Variants in CAMTA1 observed in about 807,000 individuals in gnomAD.
The protein encoded by CAMTA1 is calmodulin binding transcription activator 1.
In CAMTA1, 27 loss-of-function variants were observed where a neutral mutation model predicts 170.9. The observed-to-expected ratio is 0.16, with a 90% CI of 0.12 to 0.22. CAMTA1 has a LOEUF of 0.22. CAMTA1 is among the 10% of genes least tolerant of loss of function. CAMTA1 has a pLI of 1.00. For missense variants in CAMTA1, 1,619 were observed against 2,217.2 expected, an observed-to-expected ratio of 0.73 and a Z score of 5.42; for synonymous variants, 833 against 891.5, an observed-to-expected ratio of 0.93 and a Z score of 1.17.
chr1:7,402,563 G>A (rs1184594195), intron 5 of CAMTA1, among the ~76,000 whole-genome samples: 5 of 152,188 alleles, frequency 3.3e-5, no homozygotes, highest in African/African-American at 9.7e-5. Flanking sequence ...TGCTGCAGTC[G>A]TGATGGGGGC....
intron 4 of CAMTA1, among the ~76,000 whole-genome samples, chr1:7,158,511 TCAAA>T (rs1647025479): frequency 6.6e-6 from 1 of 152,198 alleles, no homozygotes; most frequent in Admixed American, 6.5e-5. Context: ...AAAATTTACT[TCAAA>T]CAAACAAACT....
At chr1:6,793,655 AT>A (rs1641752460) in intron 1 of CAMTA1, among the ~76,000 whole-genome samples, 1 of 152,186 alleles carries the variant, frequency 6.6e-6, no homozygotes, top group African/African-American at 2.4e-5. Flanking sequence ...AACAAGGTGT[AT>A]TTGTGTCTTA....
chr1:7,652,576 A>C (rs1405674816), intron 7 of CAMTA1, among the ~76,000 whole-genome samples: 1 of 152,170 alleles, frequency 6.6e-6, no homozygotes, highest in East Asian at 1.9e-4. Flanking sequence ...GGAGGGCAGG[A>C]GACGAAGCTG....
At chr1:7,506,109 C>T (rs1557835903) in intron 6 of CAMTA1, among the ~76,000 whole-genome samples, 1 of 152,180 alleles carries the variant, frequency 6.6e-6, no homozygotes, top group Non-Finnish European at 1.5e-5. Context: ...CAGAGGCTGC[C>T]TGGGGAACAG....
intron 5 of CAMTA1, among the ~76,000 whole-genome samples, chr1:7,306,911 CATTAGGT>C (rs769057262): frequency 1.1e-4 from 17 of 151,826 alleles, no homozygotes; most frequent in Non-Finnish European, 2.1e-4. Context: ...ATAGCATCTA[CATTAGGT>C]ATTAGGTATT....
intron 4 of CAMTA1, among the ~76,000 whole-genome samples, chr1:7,223,420 G>GTGC (rs1661171723): frequency 6.6e-6 from 1 of 151,990 alleles, no homozygotes; most frequent in Non-Finnish European, 1.5e-5. Flanking sequence ...TGGGAGGTAG[G>GTGC]TGCTAACAGG....
chr1:7,317,073 C>T lies in CAMTA1; in HGVS notation c.438+67447C>T, dbSNP rs541753497. 4.6e-5 allele frequency among the ~76,000 whole-genome samples: 7 copies of T among 152,300 alleles called. No individual in the cohort carries two copies. In the East Asian group the frequency reaches 1.4e-3, roughly 29 times the overall value. ...TTCTTGGAACTGGATGGACAGGAAC[C>T]TGCTGTAGGGAGCACAGCCCCTCTG... On this transcript the variant is annotated intron_variant, in intron 5 of 22. Transcript: ENST00000303635.
Position 6,887,924 on chromosome 1 carries a change from C to A in CAMTA1, c.234+62714C>A. On this transcript the variant is annotated intron_variant, in intron 3 of 22. Coordinates refer to ENST00000303635, the MANE Select transcript of CAMTA1 (RefSeq NM_015215.4). The surrounding 1 kb of genome is among the most constrained non-coding windows in gnomAD (Gnocchi z 4.1). ...ATCCGGAGTTATTACGAAGGAGCTC[C>A]GCAGCCTGACTGAGCTCTGGAGAGC... 2 of 1,333,864 alleles carry A rather than the reference C, an allele frequency of 1.5e-6. No individual in the cohort carries two copies. The highest frequency in any genetic ancestry group is 3.2e-5 in the Admixed American group (1 of 31,376). The allele number at this position is 1,333,864 out of a possible 1,614,324, so 82.6% of individuals were successfully genotyped here.
intron 3 of CAMTA1, among the ~76,000 whole-genome samples, chr1:7,001,899 T>TC (rs1553212999): frequency 0.11 from 6,931 of 65,098 alleles, 218 homozygotes; most frequent in Middle Eastern, 0.2. Flanking sequence ...TTCTTCTTCT[T>TC]TTTTTTTTTT....
intron 5 of CAMTA1, among the ~76,000 whole-genome samples, chr1:7,252,719 A>G (rs574179003): frequency 6.6e-6 from 1 of 152,330 alleles, no homozygotes; most frequent in South Asian, 2.1e-4. Flanking sequence ...TGGGGTGGAC[A>G]GTCCTGCACA....
chr1:7,684,502 C>T (rs768846777), intron 11 of CAMTA1, among the ~76,000 whole-genome samples: 3 of 152,160 alleles, frequency 2.0e-5, no homozygotes, highest in Non-Finnish European at 4.4e-5. Context: ...TAGGGAGGGA[C>T]CCTCTCTGGC....
chr1:7,115,978 C>T (rs1199660536), intron 4 of CAMTA1, among the ~76,000 whole-genome samples: 1 of 152,230 alleles, frequency 6.6e-6, no homozygotes, highest in East Asian at 1.9e-4. Flanking sequence ...CTCATCCACA[C>T]ATCCAGAATC....
rs757030542 is a variant in CAMTA1 at position 7,640,492 on chromosome 1, C to T, written c.603C>T (p.Thr201=). The change falls in exon 7 of 23, where the codon ACC becomes ACT. Residue 201 remains threonine, a synonymous_variant. Coordinates refer to ENST00000303635, the MANE Select transcript of CAMTA1 (RefSeq NM_015215.4). ...GCCCCATCCTCTGCTCCATCAACAC[C>T]GACAAGAAGGAGTGGGCGAAATGGA... ...PCGPILCSIN[T]DKKEWAKWTK... 15 of 1,614,090 alleles carry T rather than the reference C, an allele frequency of 9.3e-6. No individual in the cohort carries two copies. The highest frequency in any genetic ancestry group is 1.6e-4 in the Middle Eastern group (1 of 6,084).
At chr1:7,335,124 T>TTTTTTGTGTGTGTGTGTGTGTG (rs1557537117) in intron 5 of CAMTA1, among the ~76,000 whole-genome samples, 1 of 19,178 alleles carries the variant, frequency 5.2e-5, no homozygotes, top group Non-Finnish European at 9.9e-5. Context: ...AGCACAGCTT[T>TTTTTTGTGTGTGTGTGTGTGTG]TGTGTGTGTG....
intron 5 of CAMTA1, among the ~76,000 whole-genome samples, chr1:7,360,313 C>T (rs571854702): frequency 1.3e-5 from 2 of 152,186 alleles, no homozygotes; most frequent in Non-Finnish European, 2.9e-5. Context: ...GGGGCTGGGA[C>T]TCAGCCCTGG....
intron 3 of CAMTA1, among the ~76,000 whole-genome samples, chr1:6,879,613 C>CT (rs58610375): frequency 0.32 from 42,812 of 132,848 alleles, 7,754 homozygotes; most frequent in Admixed American, 0.51. Context: ...TTCCTTTTTT[C>CT]TTTTTTTTTT....
At chr1:7,269,315 G>T (rs1400613259) in intron 5 of CAMTA1, among the ~76,000 whole-genome samples, 2 of 152,250 alleles carry the variant, frequency 1.3e-5, no homozygotes, top group African/African-American at 4.8e-5. Flanking sequence ...GGCCACCTTT[G>T]TTACCTTGCT....
chr1:7,482,047 T>C lies in CAMTA1; in HGVS notation c.510+14146T>C, dbSNP rs1246800651. Among the ~76,000 whole-genome samples the C allele has an allele frequency of 6.6e-6, 1 of 152,116 alleles. No homozygotes were observed. The highest frequency in any genetic ancestry group is 2.4e-5 in the African/African-American group (1 of 41,412). On this transcript the variant is annotated intron_variant, in intron 6 of 22. Transcript: ENST00000303635. The surrounding 1 kb of genome is among the most constrained non-coding windows in gnomAD (Gnocchi z 4.2). ...CTCCACTATAGGTTCATTTTTTCTG[T>C]TCTAGAACTTCGTAGAACTGGAATC... is the stretch of plus-strand genomic sequence containing the variant.
intron 4 of CAMTA1, among the ~76,000 whole-genome samples, chr1:7,096,763 A>G (rs1488897992): frequency 6.6e-6 from 1 of 152,126 alleles, no homozygotes; most frequent in Non-Finnish European, 1.5e-5. Context: ...ATCTCCTACT[A>G]GGTTTCCTTC....
Sources: allele counts gnomAD v4.1 joint callset (sites outside exome capture counted in the v4.1 genomes callset), GRCh38; gene constraint gnomAD v4.1.1; non-coding constraint Gnocchi (gnomAD v3.1); transcripts MANE v1.5; gene names NCBI Gene and HGNC (gene_info 2026-07-23, HGNC 2026-07-21).